The following COL10A1 variants were observed in gnomAD, a reference collection of about 807,000 sequenced individuals.
COL10A1 encodes collagen alpha-1(X) chain.
COL10A1 carries 10 observed loss-of-function variants against 18.2 expected under a neutral mutation model. That is an observed-to-expected ratio of 0.55 (90% CI 0.34 to 0.93). The LOEUF (loss-of-function observed/expected upper bound fraction) is 0.93, where lower values mean the gene tolerates loss of function less well. COL10A1 is among the 40% of genes least tolerant of loss of function. The pLI is 0.02. For synonymous variants in COL10A1, 330 were observed against 316.6 expected (o/e 1.04, Z -0.45); for missense variants, 897 against 853.5 (o/e 1.05, Z -0.64).
In COL10A1 at chr6:116,119,228, G is replaced by A. The variant is rs1191615402; in HGVS notation, c.*845C>T. ...ACTTCACTTGAATGGGAGGCACAAG[G>A]TACATGTGCTAATGTTCTGTAAATC... On this transcript the variant is annotated 3_prime_UTR_variant, in exon 3 of 3. Transcript: ENST00000651968. 1.3e-5 allele frequency: 2 copies of A among 152,600 alleles called. No individual in the cohort carries two copies. The highest frequency in any genetic ancestry group is 4.8e-5 in the African/African-American group (2 of 41,434). The allele number at this position is 152,600 out of a possible 1,614,324, so 9.5% of individuals were successfully genotyped here.
the COL10A1 span, among the ~76,000 whole-genome samples, chr6:116,169,660 T>G: frequency 6.6e-5 from 10 of 152,294 alleles, no homozygotes; most frequent in East Asian, 1.9e-3. Flanking sequence ...ATTGAGAAAT[T>G]TTAACAAATG....
chr6:116,177,269 A>G, the COL10A1 span, among the ~76,000 whole-genome samples: 1 of 152,206 alleles, frequency 6.6e-6, no homozygotes, highest in African/African-American at 2.4e-5. Context: ...TATAACATTC[A>G]TGACATACTT....
At chr6:116,185,155 A>G in the COL10A1 span, among the ~76,000 whole-genome samples, 3 of 152,020 alleles carry the variant, frequency 2.0e-5, no homozygotes, top group Non-Finnish European at 4.4e-5. Flanking sequence ...TTTAATTTCC[A>G]TGTATTTGCA....
chr6:116,125,486 G>C lies in COL10A1; in HGVS notation c.7C>G (p.Pro3Ala), dbSNP rs779715618. 6.2e-7 allele frequency: 1 copy of C among 1,613,412 alleles called. No individual in the cohort carries two copies. The highest frequency in any genetic ancestry group is 8.5e-7 in the Non-Finnish European group (1 of 1,179,662). The change falls in exon 2 of 3, where the codon CCA becomes GCA. Residue 3 changes from proline (P) to alanine (A), a missense_variant. Coordinates refer to ENST00000651968, the MANE Select transcript of COL10A1 (RefSeq NM_000493.4). ...ACTAGCAGCAAAAAGGGTATTTGTGGCAGCATATTCTCAGATGGATTCTGA... is the reference window on the plus strand; with the variant it reads ...ACTAGCAGCAAAAAGGGTATTTGTGCCAGCATATTCTCAGATGGATTCTGA... ML[P>A]QIPFLLLVSL...
rs576718437 is a variant in COL10A1, at chr6:116,152,568, C to G, written c.-16+6046G>C. Among the ~76,000 whole-genome samples, 4 of 152,284 alleles carry G rather than the reference C, an allele frequency of 2.6e-5. No individual in the cohort carries two copies. The South Asian group carries it at 8.3e-4, about 32-fold the overall frequency. ...ACTGGATTTATTCCCCTCTATCTCACATGGGACTTTCATCCTCTGTGCTTT... is the reference window on the plus strand; with the variant it reads ...ACTGGATTTATTCCCCTCTATCTCAGATGGGACTTTCATCCTCTGTGCTTT... On this transcript the variant is annotated intron_variant, in intron 1 of 1. Transcript: ENST00000418500.
At chr6:116,183,866 C>T in the COL10A1 span, among the ~76,000 whole-genome samples, 1 of 152,004 alleles carries the variant, frequency 6.6e-6, no homozygotes, top group Non-Finnish European at 1.5e-5. Context: ...TTGACTTCCT[C>T]TTTGCCAATT....
the COL10A1 span, among the ~76,000 whole-genome samples, chr6:116,204,614 T>C: frequency 6.6e-6 from 1 of 151,958 alleles, no homozygotes; most frequent in Non-Finnish European, 1.5e-5. Flanking sequence ...CGTTTAACAT[T>C]TATAAGCCCT....
the COL10A1 span, among the ~76,000 whole-genome samples, chr6:116,210,713 G>A: frequency 2.0e-5 from 3 of 151,626 alleles, no homozygotes; most frequent in East Asian, 5.8e-4. Flanking sequence ...TATTTTAAAA[G>A]TGATATTAAG....
upstream of COL10A1, among the ~76,000 whole-genome samples, chr6:116,161,519 G>T (rs965724120): frequency 7.2e-5 from 11 of 151,820 alleles, no homozygotes; most frequent in Non-Finnish European, 8.8e-5. Flanking sequence ...GTTTATTTTT[G>T]TTGACTTTGT....
chr6:116,139,024 G>A (rs976423454), intron 1 of COL10A1, among the ~76,000 whole-genome samples: 16 of 151,954 alleles, frequency 1.1e-4, no homozygotes, highest in African/African-American at 3.9e-4. Context: ...ATGATATTTT[G>A]ATCATACATG....
chr6:116,201,536 TCAGTG>T, the COL10A1 span, among the ~76,000 whole-genome samples: 2 of 152,030 alleles, frequency 1.3e-5, no homozygotes, highest in African/African-American at 4.8e-5. Flanking sequence ...TCTGAGAACT[TCAGTG>T]AGGTGAGCAT....
the COL10A1 span, among the ~76,000 whole-genome samples, chr6:116,204,171 T>TCC: frequency 6.6e-6 from 1 of 151,896 alleles, no homozygotes; most frequent in Non-Finnish European, 1.5e-5. Context: ...AAGAAACACT[T>TCC]CAGGAGTTAA....
the COL10A1 span, among the ~76,000 whole-genome samples, chr6:116,207,247 A>G: frequency 6.6e-6 from 1 of 151,982 alleles, no homozygotes; most frequent in East Asian, 1.9e-4. Context: ...CATATGTCTT[A>G]AGAAATCATG....
chr6:116,128,712 C>T (rs1779385999), upstream of COL10A1, among the ~76,000 whole-genome samples: 1 of 152,106 alleles, frequency 6.6e-6, no homozygotes, highest in South Asian at 2.1e-4. Context: ...TTCCCCACTC[C>T]TGCTGTCCTG....
At position 116,120,896 on chromosome 6, in the gene COL10A1, C is replaced by T. The variant is rs1779098611; in HGVS notation, c.1220G>A (p.Gly407Asp). ...TCCAACTCCAGGATCACCTTTTGGA[C>T]CTGGTAACCCTGGGTTACCCTTAGG... The part of the protein sequence containing the change: ...DGPKGNPGLP[G>D]PKGDPGVGGP... The change falls in exon 3 of 3, where the codon GGT becomes GAT. Residue 407 changes from glycine (G) to aspartate (D), a missense_variant. By Grantham distance (94) the Gly-to-Asp change is moderately conservative (BLOSUM62 -1). Transcript: ENST00000651968. 1 of 1,613,972 alleles carries T rather than the reference C, an allele frequency of 6.2e-7. No individual in the cohort carries two copies. Among genetic ancestry groups the T allele is most frequent in the Non-Finnish European group, 8.5e-7 (1 of 1,179,922 alleles).
upstream of COL10A1, among the ~76,000 whole-genome samples, chr6:116,159,688 C>T (rs1026179597): frequency 1.3e-5 from 2 of 152,168 alleles, no homozygotes; most frequent in African/African-American, 4.8e-5. Context: ...GGGTATATTG[C>T]ATAATTGTGA....
chr6:116,125,622 A>C, intron 1 of COL10A1, 115 bp from the exon 2 acceptor site: 1 of 809,632 alleles, frequency 1.2e-6, no homozygotes, highest in Non-Finnish European at 1.9e-6. Flanking sequence ...CCTATCCTAT[A>C]TATTTTTAAT....
intron 1 of COL10A1, among the ~76,000 whole-genome samples, chr6:116,143,766 G>A (rs1040657168): frequency 3.3e-5 from 5 of 152,074 alleles, no homozygotes; most frequent in African/African-American, 1.2e-4. Context: ...AAGTTATTCA[G>A]TCAACAAAAT....
chr6:116,129,697 G>A (rs892307920), upstream of COL10A1, among the ~76,000 whole-genome samples: 6 of 152,068 alleles, frequency 3.9e-5, no homozygotes, highest in South Asian at 2.1e-4. Context: ...AAATTACCCC[G>A]TCTGTGGCAT....
Sources: gnomAD v4.1 joint callset for allele counts (sites outside exome capture counted in the v4.1 genomes callset) on GRCh38, gnomAD v4.1.1 for gene constraint, MANE v1.5 for transcripts, NCBI Gene and HGNC (gene_info 2026-07-23, HGNC 2026-07-21) for gene names.